Variants in CACNA1D observed in about 807,000 individuals in gnomAD.
The protein encoded by CACNA1D is calcium voltage-gated channel subunit alpha1 D, also known as voltage-dependent L-type calcium channel subunit alpha-1D.
Under a neutral mutation model 257.1 loss-of-function variants are expected in CACNA1D, and 55 were observed. The ratio of observed to expected loss-of-function variants is 0.21; its 90% CI spans 0.17 to 0.27. CACNA1D has a LOEUF of 0.27. CACNA1D is among the 10% of genes least tolerant of loss of function. The pLI is 1.00. For missense variants in CACNA1D, 1,876 were observed against 2,784.0 expected (o/e 0.67, Z 7.34); for synonymous variants, 980 against 1,014.9 (o/e 0.97, Z 0.65).
intron 45 of CACNA1D, among the ~76,000 whole-genome samples, chr3:53,805,770 TCC>T (rs1312852054): frequency 1.6e-5 from 2 of 126,924 alleles, no homozygotes; most frequent in East Asian, 5.5e-4. Context: ...TCCCTCATCT[TCC>T]CTCTTCCTCC....
intron 32 of CACNA1D, among the ~76,000 whole-genome samples, chr3:53,772,072 G>A (rs1369541852): frequency 3.9e-5 from 6 of 152,230 alleles, no homozygotes; most frequent in African/African-American, 7.2e-5. Context: ...GCAGGTAGAC[G>A]TGTTGGTCAC....
intron 3 of CACNA1D, among the ~76,000 whole-genome samples, chr3:53,608,535 A>G (rs188566886): frequency 2.3e-4 from 35 of 152,300 alleles, no homozygotes; most frequent in Middle Eastern, 6.8e-3. Context: ...AGTAGTGACA[A>G]TGGAATCCTT....
chr3:53,695,437 C>T (rs962334285), intron 8 of CACNA1D, among the ~76,000 whole-genome samples: 4 of 152,156 alleles, frequency 2.6e-5, no homozygotes, highest in South Asian at 2.1e-4. Flanking sequence ...CTCTCTTCTC[C>T]ATCCCTCCTC....
chr3:53,626,777 GTA>G, intron 3 of CACNA1D, among the ~76,000 whole-genome samples: 1 of 152,302 alleles, frequency 6.6e-6, no homozygotes, highest in East Asian at 1.9e-4. Flanking sequence ...TGAAATGGTT[GTA>G]TGTTTCCAAT....
At chr3:53,531,018 AT>A (rs11328561) in intron 3 of CACNA1D, among the ~76,000 whole-genome samples, 68,631 of 118,760 alleles carry the variant, frequency 0.58, 18,357 homozygotes, top group Middle Eastern at 0.71. Flanking sequence ...GCTAATTTTA[AT>A]TTTTTTTTTT....
At chr3:53,605,805 T>A (rs1029873455) in intron 3 of CACNA1D, among the ~76,000 whole-genome samples, 2 of 152,200 alleles carry the variant, frequency 1.3e-5, no homozygotes, top group Non-Finnish European at 2.9e-5. Flanking sequence ...AAGGTGGAGA[T>A]AGCATGTGAC....
intron 16 of CACNA1D, among the ~76,000 whole-genome samples, chr3:53,730,794 A>C (rs1197884785): frequency 6.6e-6 from 1 of 152,256 alleles, no homozygotes; most frequent in Non-Finnish European, 1.5e-5. Flanking sequence ...CCATGCTTAA[A>C]GAATCACTGC....
intron 3 of CACNA1D, among the ~76,000 whole-genome samples, chr3:53,565,557 A>G (rs1186913262): frequency 6.6e-6 from 1 of 152,232 alleles, no homozygotes; most frequent in Non-Finnish European, 1.5e-5. Flanking sequence ...GAGAAAGGAA[A>G]GGAAAATCAG....
intron 3 of CACNA1D, among the ~76,000 whole-genome samples, chr3:53,524,392 C>A (rs937944053): frequency 6.6e-6 from 1 of 152,182 alleles, no homozygotes. Flanking sequence ...GAAAACAGTT[C>A]TTTCCAAAGA....
At chr3:53,506,102 TTA>T (rs2090835369) in intron 3 of CACNA1D, among the ~76,000 whole-genome samples, 1 of 152,072 alleles carries the variant, frequency 6.6e-6, no homozygotes, top group Non-Finnish European at 1.5e-5. Context: ...ATGGTGGAGG[TTA>T]GGTCTGTATA....
At chr3:53,541,809 G>A (rs1279991177) in intron 3 of CACNA1D, among the ~76,000 whole-genome samples, 1 of 152,112 alleles carries the variant, frequency 6.6e-6, no homozygotes, top group African/African-American at 2.4e-5. Flanking sequence ...GAGTTGTGAT[G>A]TAGTGTATTT....
chr3:53,667,997 T>C (rs946166074), intron 7 of CACNA1D, among the ~76,000 whole-genome samples: 3 of 152,206 alleles, frequency 2.0e-5, no homozygotes, highest in African/African-American at 2.4e-5. Flanking sequence ...ATTTTTGCTA[T>C]TATTTCCTAA....
In CACNA1D at chr3:53,718,384, C is replaced by A; in HGVS notation, c.1474C>A (p.Leu492Ile). The part of the protein sequence containing the change: ...EGENRGCCGS[L>I]CQAISKSKLS... ...CGAGAACCGAGGCTGCTGTGGAAGT[C>A]TCTGGTGAGTGTGGGGAGCACTTGC... Residue 492 changes from leucine (L) to isoleucine (I), a missense_variant, in exon 10 of 48, where the codon CTC (leucine) becomes ATC (isoleucine). Transcript: ENST00000350061. 6.2e-7 allele frequency: 1 copy of A among 1,613,782 alleles called. No individual in the cohort carries two copies. Among genetic ancestry groups the A allele is most frequent in the Non-Finnish European group, 8.5e-7 (1 of 1,179,658 alleles).
chr3:53,622,370 C>A (rs1307927432), intron 3 of CACNA1D, among the ~76,000 whole-genome samples: 4 of 152,176 alleles, frequency 2.6e-5, no homozygotes, highest in Non-Finnish European at 4.4e-5. Flanking sequence ...GAAATAAAAA[C>A]ATGTCCACAA....
intron 3 of CACNA1D, among the ~76,000 whole-genome samples, chr3:53,520,309 G>A (rs1205560456): frequency 6.6e-6 from 1 of 152,162 alleles, no homozygotes; most frequent in African/African-American, 2.4e-5. Context: ...ACTTGTTATT[G>A]TCTATCTTTT....
At chr3:53,679,822 G>A (rs2094412327) in intron 8 of CACNA1D, 1 of 152,200 alleles carries the variant, frequency 6.6e-6, no homozygotes, top group Non-Finnish European at 1.5e-5. Flanking sequence ...AAGTAATATT[G>A]TGAATGGAGT....
At chr3:53,746,060 C>T (rs962815899) in intron 25 of CACNA1D, among the ~76,000 whole-genome samples, 185 bp downstream of exon 25, 4 of 152,082 alleles carry the variant, frequency 2.6e-5, no homozygotes, top group Non-Finnish European at 4.4e-5. Flanking sequence ...CAACCATTTT[C>T]AGTATACAGT....
At chr3:53,592,386 G>A (rs1295291365) in intron 3 of CACNA1D, among the ~76,000 whole-genome samples, 1 of 152,120 alleles carries the variant, frequency 6.6e-6, no homozygotes, top group Non-Finnish European at 1.5e-5. Flanking sequence ...GAATGGAGTA[G>A]GGGTGAAAGG....
Position 53,621,539 on chromosome 3 carries a change from A to G in CACNA1D, c.484-29240A>G, listed in dbSNP as rs546471898. Among the ~76,000 whole-genome samples, 12 of 152,352 alleles carry G rather than the reference A, an allele frequency of 7.9e-5. No individual in the cohort carries two copies. The South Asian group carries it at 2.3e-3, about 29-fold the overall frequency. On this transcript the variant is annotated intron_variant, in intron 3 of 47. Coordinates refer to ENST00000350061, the MANE Select transcript of CACNA1D (RefSeq NM_001128840.3). Reference sequence around the variant, plus strand: ...GTAACATAGGCTTAAACATACTTGCATGAAGAAAACAAAGGACTTAGGTAT... The same window carrying G: ...GTAACATAGGCTTAAACATACTTGCGTGAAGAAAACAAAGGACTTAGGTAT...
Sources: allele counts gnomAD v4.1 joint callset (sites outside exome capture counted in the v4.1 genomes callset), GRCh38; gene constraint gnomAD v4.1.1; transcripts MANE v1.5; gene names NCBI Gene and HGNC (gene_info 2026-07-23, HGNC 2026-07-21).